GABRQ: variants seen among roughly 807,000 people sequenced by gnomAD.
GABRQ encodes gamma-aminobutyric acid type A receptor subunit theta.
Under a neutral mutation model 30.5 loss-of-function variants are expected in GABRQ, and 19 were observed. The ratio of observed to expected loss-of-function variants is 0.62; its 90% CI spans 0.43 to 0.91. The LOEUF is 0.91. GABRQ is among the 40% of genes least tolerant of loss of function. The pLI is 0.00. For synonymous variants in GABRQ, 187 were observed against 210.2 expected (o/e 0.89, Z 0.95); for missense variants, 520 against 521.4 (o/e 1.00, Z 0.03).
chrX:152,646,040 T>C (rs146177888), intron 3 of GABRQ, among the ~76,000 whole-genome samples: 164 of 112,785 alleles, frequency 1.5e-3, no homozygotes, highest in African/African-American at 4.8e-3. Flanking sequence ...ACTAAGATGC[T>C]TGCAGCATGA....
chrX:152,649,975 C>A, intron 6 of GABRQ, 96 bp downstream of exon 6: 1 of 653,037 alleles, frequency 1.5e-6, no homozygotes, highest in Non-Finnish European at 2.4e-6. Context: ...TTCTCTGGTG[C>A]CTCCTTTTCC....
intron 2 of GABRQ, among the ~76,000 whole-genome samples, chrX:152,644,713 C>T (rs1569452997): frequency 8.9e-6 from 1 of 111,922 alleles, no homozygotes; most frequent in Non-Finnish European, 1.9e-5. Flanking sequence ...CACATTCACA[C>T]CTCCTCACGA....
intron 2 of GABRQ, among the ~76,000 whole-genome samples, chrX:152,641,051 C>A (rs927497645): frequency 1.1e-4 from 12 of 111,679 alleles, no homozygotes; most frequent in African/African-American, 3.9e-4. Flanking sequence ...TATCTAACTG[C>A]CAAATAAAAT....
chrX:152,653,422 A>C lies in GABRQ; in HGVS notation c.*141A>C. ...AATAAGTTCATACTTCTCTTTATAA[A>C]CATGAGGTGGGGAGTAATTGGAAAG... On this transcript the variant is annotated 3_prime_UTR_variant, in exon 9 of 9. Transcript: ENST00000598523. 1 of 465,504 alleles carries C rather than the reference A, an allele frequency of 2.1e-6. No individual in the cohort carries two copies. The allele number at this position is 465,504 out of a possible 1,213,427, so 38.4% of individuals were successfully genotyped here.
chrX:152,641,146 C>T (rs782196467), intron 2 of GABRQ, among the ~76,000 whole-genome samples: 2 of 111,981 alleles, frequency 1.8e-5, no homozygotes, highest in South Asian at 7.5e-4. Flanking sequence ...CCAGGAAAAT[C>T]ATACATCAGT....
rs782520456 is a variant in GABRQ at position 152,653,210 on chromosome X, T to A, written c.1828T>A (p.Trp610Arg). 2.5e-6 allele frequency: 3 copies of A among 1,206,019 alleles called. No homozygotes were observed. The highest frequency in any genetic ancestry group is 1.8e-5 in the South Asian group (1 of 56,832). ...TGACTACGTCCCAAAGGTCGACAAGTGGTCCCGGTTCCTCTTCCCTCTGGC... is the reference window on the plus strand; with the variant it reads ...TGACTACGTCCCAAAGGTCGACAAGAGGTCCCGGTTCCTCTTCCCTCTGGC... The part of the protein sequence containing the change: ...NPDYVPKVDK[W>R]SRFLFPLAFG... The change falls in exon 9 of 9, where the codon TGG (tryptophan) becomes AGG (arginine). Residue 610 changes from tryptophan (W) to arginine (R), a missense_variant. Trp to Arg is a moderately radical substitution (Grantham distance 101, BLOSUM62 -3). Transcript: ENST00000598523.
At chrX:152,638,383 G>A in intron 1 of GABRQ, 32 bp downstream of exon 1, 1 of 1,196,744 alleles carries the variant, frequency 8.4e-7, no homozygotes, top group African/African-American at 1.7e-5. Context: ...AGGCACGGCG[G>A]GGACGGGAAT....
intron 2 of GABRQ, 193 bp downstream of exon 2, chrX:152,640,659 C>A: frequency 2.1e-6 from 1 of 480,300 alleles, no homozygotes; most frequent in Non-Finnish European, 3.8e-6. Context: ...CCTGTAATAT[C>A]TCTCACTTCT....
chrX:152,646,823 T>C lies in GABRQ; in HGVS notation c.307-125T>C, dbSNP rs914630626. 311 of 491,643 alleles carry C rather than the reference T, an allele frequency of 6.3e-4. No homozygotes were observed. The African/African-American group carries it at 7.0e-3, about 11-fold the overall frequency. The allele number at this position is 491,643 out of a possible 1,213,427, so 40.5% of individuals were successfully genotyped here. On this transcript the variant is annotated intron_variant, in intron 3 of 8. Transcript: ENST00000598523. The stretch of plus-strand genomic sequence containing the variant: ...GTATGTTTCACGCACTTGTATATAG[T>C]TATGATATACTTCATACACTTGCAT...
chrX:152,646,498 C>T lies in GABRQ; in HGVS notation c.307-450C>T, dbSNP rs781842193. ...CACATGTCCACCTGAGTGAATCTCA[C>T]AAAGATAATGTTGAGTGAAAGAAGC... On this transcript the variant is annotated intron_variant, in intron 3 of 8. Transcript: ENST00000598523. 1.6e-4 allele frequency among the ~76,000 whole-genome samples: 18 copies of T among 112,346 alleles called. No homozygotes were observed. The East Asian group carries it at 5.0e-3, about 31-fold the overall frequency.
intron 6 of GABRQ, 73 bp from the exon 7 acceptor site, chrX:152,650,355 C>G (rs1556819950): frequency 1.4e-5 from 13 of 917,792 alleles, no homozygotes; most frequent in Non-Finnish European, 2.0e-5. Flanking sequence ...CCCTCCTTCT[C>G]CATCCTGTAC....
At chrX:152,652,436 C>A in intron 8 of GABRQ, 105 bp from the exon 9 acceptor site, 1 of 687,259 alleles carries the variant, frequency 1.5e-6, no homozygotes, top group Non-Finnish European at 2.2e-6. Context: ...AGATCAGTAA[C>A]ATTACAAGTG....
chrX:152,652,326 G>C (rs1468409473), intron 8 of GABRQ, among the ~76,000 whole-genome samples: 1 of 112,925 alleles, frequency 8.9e-6, no homozygotes, highest in Non-Finnish European at 1.9e-5. Flanking sequence ...TGGCTTGGCA[G>C]CCTCCATAGC....
chrX:152,638,642 C>G (rs1313397716), intron 1 of GABRQ, among the ~76,000 whole-genome samples: 1 of 112,269 alleles, frequency 8.9e-6, no homozygotes, highest in Non-Finnish European at 1.9e-5. Flanking sequence ...GGGGGTCGCC[C>G]TCGTCCCAGG....
intron 4 of GABRQ, 85 bp from the exon 5 acceptor site, chrX:152,649,166 C>T: frequency 3.2e-6 from 2 of 622,731 alleles, no homozygotes; most frequent in Non-Finnish European, 5.6e-6. Context: ...ATAACTCTTC[C>T]CTCCCCACCC....
rs1327410626 is a variant in GABRQ at position 152,653,176 on chromosome X, C to T, written c.1794C>T (p.Leu598=). The T allele has an allele frequency of 8.3e-7, 1 of 1,208,862 alleles. No individual in the cohort carries two copies. The highest frequency in any genetic ancestry group is 1.7e-5 in the African/African-American group (1 of 57,159). The change falls in exon 9 of 9, where the codon CTC becomes CTT. Residue 598 remains leucine (L), a synonymous_variant. Coordinates refer to ENST00000598523, the MANE Select transcript of GABRQ (RefSeq NM_018558.4). ...TCACTGAAGGGTTCTCCTTCGATCT[C>T]TTTAATCCTGACTACGTCCCAAAGG... The part of the protein sequence containing the change: ...CSFTEGFSFD[L]FNPDYVPKVD...
In GABRQ at chrX:152,645,531, C is replaced by T. The variant is rs1331492191; in HGVS notation, c.243C>T (p.Ala81=). ...DVRLRPNFGG[A]PVPVRISIYV... ...CTGTGTCTTTCTGTCTTCTAGGTGC[C>T]CCTGTGCCTGTGAGAATATCTATTT... The change falls in exon 3 of 9, where the codon GCC becomes GCT. Residue 81 remains alanine, a synonymous_variant. Coordinates refer to ENST00000598523, the MANE Select transcript of GABRQ (RefSeq NM_018558.4). 1.8e-6 allele frequency: 2 copies of T among 1,095,257 alleles called. No homozygotes were observed. Among genetic ancestry groups the T allele is most frequent in the African/African-American group, 1.8e-5 (1 of 55,159 alleles). 90.3% of individuals were successfully genotyped at this position (1,095,257 alleles called of 1,213,427 possible).
At position 152,653,576 on chromosome X, in the gene GABRQ, C is replaced by T. The variant is rs1297748712; in HGVS notation, c.*295C>T. 1.2e-5 allele frequency: 3 copies of T among 245,060 alleles called. No homozygotes were observed. Among genetic ancestry groups the T allele is most frequent in the African/African-American group, 8.5e-5 (3 of 35,371 alleles). 20.2% of individuals were successfully genotyped at this position (245,060 alleles called of 1,213,427 possible). A position where few individuals can be genotyped will look rare whatever the true frequency, so the allele number is the denominator to read the frequency against. On this transcript the variant is annotated 3_prime_UTR_variant, in exon 9 of 9. Coordinates refer to ENST00000598523, the MANE Select transcript of GABRQ (RefSeq NM_018558.4). ...AACAAGGAATAAGCATAGAAAAGCCCCTGGAAATGTTTAGAGGACAGAGAA... is the reference window on the plus strand; with the variant it reads ...AACAAGGAATAAGCATAGAAAAGCCTCTGGAAATGTTTAGAGGACAGAGAA...
At chrX:152,646,466 A>G (rs1471696525) in intron 3 of GABRQ, among the ~76,000 whole-genome samples, 1 of 112,745 alleles carries the variant, frequency 8.9e-6, no homozygotes, top group Non-Finnish European at 1.9e-5. Context: ...TGAACAAATT[A>G]TAATTACACA....
Sources: allele counts gnomAD v4.1 joint callset (sites outside exome capture counted in the v4.1 genomes callset), GRCh38; gene constraint gnomAD v4.1.1; transcripts MANE v1.5; gene names NCBI Gene and HGNC (gene_info 2026-07-23, HGNC 2026-07-21).